The following FMN1 variants were observed in gnomAD, a reference collection of about 807,000 sequenced individuals.
FMN1 encodes formin-1.
FMN1 carries 110 observed loss-of-function variants against 132.4 expected under a neutral mutation model. The observed-to-expected ratio is 0.83, with a 90% CI of 0.71 to 0.97. The LOEUF (loss-of-function observed/expected upper bound fraction) is 0.97, where lower values mean the gene tolerates loss of function less well. FMN1 is among the 50% of genes least tolerant of loss of function. FMN1 has a pLI of 0.00. For synonymous variants in FMN1, 722 were observed against 651.7 expected (o/e 1.11, Z -1.64); for missense variants, 1,792 against 1,705.3 (o/e 1.05, Z -0.90).
intron 13 of FMN1, among the ~76,000 whole-genome samples, chr15:32,900,874 C>G (rs1442735981): frequency 3.3e-5 from 5 of 152,150 alleles, no homozygotes; most frequent in Non-Finnish European, 1.5e-5. Flanking sequence ...AAAGTAATGG[C>G]TGGGCACGGT....
chr15:32,998,424 G>A (rs2033905577), intron 7 of FMN1, among the ~76,000 whole-genome samples: 1 of 152,196 alleles, frequency 6.6e-6, no homozygotes, highest in South Asian at 2.1e-4. Context: ...TCTTTTCCCA[G>A]GCCAGAAATG....
intron 9 of FMN1, among the ~76,000 whole-genome samples, chr15:32,949,280 T>C (rs369527656): frequency 5.9e-5 from 9 of 152,120 alleles, no homozygotes; most frequent in African/African-American, 2.2e-4. Context: ...TCACACTACC[T>C]GACTTCAAAC....
At chr15:32,925,855 G>A (rs1384241354) in intron 10 of FMN1, among the ~76,000 whole-genome samples, 1 of 152,160 alleles carries the variant, frequency 6.6e-6, no homozygotes, top group Non-Finnish European at 1.5e-5. Flanking sequence ...GAGCCCAGGA[G>A]TTTGAGACCA....
intron 17 of FMN1, among the ~76,000 whole-genome samples, chr15:32,810,531 A>T (rs974330114): frequency 2.6e-5 from 4 of 152,240 alleles, no homozygotes; most frequent in Admixed American, 6.5e-5. Context: ...TATTTTCCAC[A>T]GTTAACTTTG....
chr15:33,110,340 T>TA (rs1233744167), intron 4 of FMN1, among the ~76,000 whole-genome samples: 12 of 152,064 alleles, frequency 7.9e-5, no homozygotes, highest in Non-Finnish European at 1.3e-4. Context: ...GAAATGCTTA[T>TA]AACATGTGGA....
At chr15:32,883,676 G>A (rs62001322) in intron 16 of FMN1, among the ~76,000 whole-genome samples, 2 of 152,024 alleles carry the variant, frequency 1.3e-5, no homozygotes, top group Non-Finnish European at 2.9e-5. Context: ...CAACCGTGTT[G>A]CTAGTACAAT....
chr15:33,029,456 G>A lies in FMN1; in HGVS notation c.2162-21381C>T, dbSNP rs534232538. On this transcript the variant is annotated intron_variant, in intron 6 of 20. Coordinates refer to ENST00000616417, the MANE Select transcript of FMN1 (RefSeq NM_001277313.2). ...TGAAATAGCAGCTGTTGAGAGTCGCGTGTAGACTAGGAACACACGCTAGGG... is the reference window on the plus strand; with the variant it reads ...TGAAATAGCAGCTGTTGAGAGTCGCATGTAGACTAGGAACACACGCTAGGG... Among the ~76,000 whole-genome samples the A allele has an allele frequency of 2.6e-5, 4 of 152,104 alleles. 1 individual carries two copies. The highest frequency in any genetic ancestry group is 9.7e-5 in the African/African-American group (4 of 41,412).
At chr15:32,801,739 G>A (rs926486803) in intron 18 of FMN1, among the ~76,000 whole-genome samples, 2 of 152,240 alleles carry the variant, frequency 1.3e-5, no homozygotes, top group African/African-American at 4.8e-5. Flanking sequence ...AGCTTGCAGT[G>A]AGCCCAGACT....
intron 4 of FMN1, among the ~76,000 whole-genome samples, chr15:33,107,736 G>A (rs147197323): frequency 6.6e-6 from 1 of 151,942 alleles, no homozygotes; most frequent in Admixed American, 6.6e-5. Context: ...TTTACCCATC[G>A]TACTTATCAT....
chr15:33,170,113 T>C (rs1965262238), intron 3 of FMN1, among the ~76,000 whole-genome samples: 1 of 152,146 alleles, frequency 6.6e-6, no homozygotes, highest in African/African-American at 2.4e-5. Context: ...AATAAATTCA[T>C]ATATTTACAA....
intron 20 of FMN1, among the ~76,000 whole-genome samples, chr15:32,774,987 A>G (rs1304043915): frequency 6.6e-6 from 1 of 152,130 alleles, no homozygotes; most frequent in Admixed American, 6.6e-5. Context: ...ATGGACCCCC[A>G]TGGTATCTGT....
chr15:33,105,594 T>G (rs895120926), intron 4 of FMN1, among the ~76,000 whole-genome samples: 4 of 152,150 alleles, frequency 2.6e-5, no homozygotes, highest in South Asian at 4.1e-4. Context: ...ACTATATGGC[T>G]TTGAGATCAG....
At chr15:33,106,704 G>C (rs1157987808) in intron 4 of FMN1, among the ~76,000 whole-genome samples, 2 of 151,996 alleles carry the variant, frequency 1.3e-5, no homozygotes, top group African/African-American at 4.8e-5. Flanking sequence ...TCTGTGGGAG[G>C]ATGACCTTTG....
intron 9 of FMN1, among the ~76,000 whole-genome samples, chr15:32,943,267 T>C (rs961601057): frequency 1.9e-4 from 29 of 152,220 alleles, no homozygotes; most frequent in African/African-American, 4.3e-4. Flanking sequence ...CTTGGTAAGA[T>C]TGAACAACAG....
chr15:33,108,504 A>G (rs79178862), intron 4 of FMN1, among the ~76,000 whole-genome samples: 2,512 of 151,490 alleles, frequency 0.017, 62 homozygotes, highest in African/African-American at 0.059. Flanking sequence ...GGTAGATAAC[A>G]TAATTCTCTA....
At chr15:33,125,704 CAAA>C (rs58963131) in intron 4 of FMN1, among the ~76,000 whole-genome samples, 4 of 144,230 alleles carry the variant, frequency 2.8e-5, no homozygotes, top group African/African-American at 7.6e-5. Flanking sequence ...TCAGGTGTCT[CAAA>C]AAAAAAAAAA....
At chr15:32,914,922 G>C (rs1273245171) in intron 10 of FMN1, among the ~76,000 whole-genome samples, 3 of 152,190 alleles carry the variant, frequency 2.0e-5, no homozygotes, top group Non-Finnish European at 2.9e-5. Flanking sequence ...GGAAAGGACA[G>C]GTAAAAGAAG....
At chr15:32,887,720 C>A (rs2059929274) in intron 16 of FMN1, among the ~76,000 whole-genome samples, 1 of 152,148 alleles carries the variant, frequency 6.6e-6, no homozygotes, top group African/African-American at 2.4e-5. Context: ...TCTAATTAGA[C>A]AGACTTGATT....
chr15:33,127,167 CAG>C (rs1269013647), intron 4 of FMN1, among the ~76,000 whole-genome samples: 1 of 134,040 alleles, frequency 7.5e-6, no homozygotes, highest in African/African-American at 2.6e-5. Context: ...TTCTCTCAAA[CAG>C]AGAGGAGGTC....
Sources: gnomAD v4.1 joint callset for allele counts (sites outside exome capture counted in the v4.1 genomes callset) on GRCh38, gnomAD v4.1.1 for gene constraint, MANE v1.5 for transcripts, NCBI Gene and HGNC (gene_info 2026-07-23, HGNC 2026-07-21) for gene names.